Variants in TMEM51 observed in about 807,000 individuals in gnomAD.
The protein encoded by TMEM51 is chromosome 1 open reading frame 72.
TMEM51 carries 8 observed loss-of-function variants against 13.6 expected under a neutral mutation model. The ratio of observed to expected loss-of-function variants is 0.59; its 90% CI spans 0.35 to 1.07. The LOEUF is 1.07. TMEM51 is among the 50% of genes least tolerant of loss of function. The pLI is 0.02. For missense variants in TMEM51, 279 were observed against 330.7 expected (o/e 0.84, Z 1.21); for synonymous variants, 147 against 144.4 (o/e 1.02, Z -0.13).
At chr1:15,168,545 C>T in intron 1 of TMEM51, 4 of 1,304,892 alleles carry the variant, frequency 3.1e-6, no homozygotes, top group South Asian at 1.2e-5. Context: ...ACTGATTTAA[C>T]AGCATAGGCT....
intron 1 of TMEM51, among the ~76,000 whole-genome samples, chr1:15,186,686 G>A: frequency 6.6e-6 from 1 of 152,194 alleles, no homozygotes; most frequent in East Asian, 1.9e-4. Context: ...GGACCACGAA[G>A]AGCCTTATGA....
chr1:15,203,739 T>C (rs961660558), intron 1 of TMEM51, among the ~76,000 whole-genome samples: 1 of 152,060 alleles, frequency 6.6e-6, no homozygotes, highest in African/African-American at 2.4e-5. Flanking sequence ...CAGTTAATAT[T>C]GTGTTAGGTA....
At chr1:15,214,741 G>C (rs1036402173) in intron 2 of TMEM51, among the ~76,000 whole-genome samples, 154 bp from the exon 3 acceptor site, 2 of 152,210 alleles carry the variant, frequency 1.3e-5, no homozygotes, top group South Asian at 2.1e-4. Context: ...GCCTGAGCAC[G>C]TAAGACATCT....
At chr1:15,188,283 G>A (rs754138361) in intron 1 of TMEM51, among the ~76,000 whole-genome samples, 1 of 152,180 alleles carries the variant, frequency 6.6e-6, no homozygotes, top group African/African-American at 2.4e-5. Flanking sequence ...AGAGGGACAG[G>A]GAAGTCTCAG....
chr1:15,214,956 A>G lies in TMEM51; in HGVS notation c.-132A>G, dbSNP rs1367417726. 3 of 856,154 alleles carry G rather than the reference A, an allele frequency of 3.5e-6. No homozygotes were observed. The highest frequency in any genetic ancestry group is 5.3e-6 in the Non-Finnish European group (3 of 567,718). 53.0% of individuals were successfully genotyped at this position (856,154 alleles called of 1,614,324 possible). On this transcript the variant is annotated 5_prime_UTR_variant, in exon 3 of 4. Transcript: ENST00000376008. Reference sequence around the variant, plus strand: ...CGATTGCTCGGAACCATCCCGCAGGAGTTCAGCTGATATTTTCTAGTGTGG... The same window carrying G: ...CGATTGCTCGGAACCATCCCGCAGGGGTTCAGCTGATATTTTCTAGTGTGG...
chr1:15,168,337 CTG>C lies in TMEM51; in HGVS notation c.-267+14386_-267+14387del. 1.1e-5 allele frequency: 9 copies of C among 816,252 alleles called. No individual in the cohort carries two copies. The South Asian group carries it at 1.2e-4, about 11-fold the overall frequency. The allele number at this position is 816,252 out of a possible 1,614,324, so 50.6% of individuals were successfully genotyped here. On this transcript the variant is annotated intron_variant, in intron 1 of 3. Transcript: ENST00000376008. ...GCTTTCATCAGATTCTCAAAGGGGT[CTG>C]TGCACCAAAAGAAAGAAGGGGAATG... is the stretch of plus-strand genomic sequence containing the variant.
intron 1 of TMEM51, among the ~76,000 whole-genome samples, chr1:15,185,372 G>A (rs1463166597): frequency 2.0e-5 from 3 of 152,146 alleles, no homozygotes; most frequent in Non-Finnish European, 2.9e-5. Flanking sequence ...CTCTAACTGG[G>A]ACTAACTCAT....
rs1355913983 is a variant in TMEM51 at position 15,196,062 on chromosome 1, C to T, written c.-266-14428C>T. 4.6e-5 allele frequency among the ~76,000 whole-genome samples: 7 copies of T among 152,304 alleles called. No individual in the cohort carries two copies. In the East Asian group the frequency reaches 1.2e-3, roughly 25 times the overall value. ...TATTCCTGCGACTTTGCTGTGTGTG[C>T]ATCTCACTCACTGCATCTGACAATT... On this transcript the variant is annotated intron_variant, in intron 1 of 3. Coordinates refer to ENST00000376008, the MANE Select transcript of TMEM51 (RefSeq NM_001136218.2).
rs1239692158 is a variant in TMEM51, at chr1:15,161,965, T to C, written c.-267+8011T>C. Among the ~76,000 whole-genome samples the C allele has an allele frequency of 6.6e-6, 1 of 151,974 alleles. No individual in the cohort carries two copies. Among genetic ancestry groups the C allele is most frequent in the African/African-American group, 2.4e-5 (1 of 41,272 alleles). On this transcript the variant is annotated intron_variant, in intron 1 of 3. Transcript: ENST00000376008. The surrounding 1 kb of genome is among the most constrained non-coding windows in gnomAD (Gnocchi z 4.0). ...AAAGAGGTTTATTTAGCCCATGGCA[T>C]CTCAGATGCATCAGCATCTGCTTCT...
rs752750914 is a variant in TMEM51, at chr1:15,215,301, G to A, written c.214G>A (p.Ala72Thr). 8 of 1,614,070 alleles carry A rather than the reference G, an allele frequency of 5.0e-6. No individual in the cohort carries two copies. In the African/African-American group the frequency reaches 8.0e-5, roughly 16 times the overall value. The change falls in exon 3 of 4, where the codon GCC becomes ACC. Residue 72 changes from alanine to threonine, a missense_variant. Transcript: ENST00000376008. ...CTCTGTGGCCTACGTGCTGGTCGGG[G>A]CCGGGGTGATGCTGCTGCTGCTTTC... ...TFSVAYVLVG[A>T]GVMLLLLSIC...
At chr1:15,184,340 G>C (rs941522234) in intron 1 of TMEM51, among the ~76,000 whole-genome samples, 1 of 152,182 alleles carries the variant, frequency 6.6e-6, no homozygotes, top group Non-Finnish European at 1.5e-5. Flanking sequence ...TTTCTCACCA[G>C]CTCTCAGGGC....
intron 1 of TMEM51, among the ~76,000 whole-genome samples, chr1:15,198,599 G>C (rs982287371): frequency 6.6e-6 from 1 of 151,978 alleles, no homozygotes; most frequent in Admixed American, 6.6e-5. Context: ...TGTATTTTTA[G>C]TAGAGACGGG....
In TMEM51 at chr1:15,189,213, CTTTTTTT is replaced by C. The variant is rs59346950; in HGVS notation, c.-266-21261_-266-21255del. ...CTTCACCACACCCAGCTAATTTTTC[CTTTTTTT>C]TTTTTTTTTTTTTTTAGTAGAGACA... is the stretch of plus-strand genomic sequence containing the variant. On this transcript the variant is annotated intron_variant, in intron 1 of 3. Coordinates refer to ENST00000376008, the MANE Select transcript of TMEM51 (RefSeq NM_001136218.2). 8.6e-3 allele frequency among the ~76,000 whole-genome samples: 799 copies of C among 92,852 alleles called. 14 individuals are homozygous for C. The highest frequency in any genetic ancestry group is 0.032 in the African/African-American group (742 of 23,452). The allele number at this position is 92,852 out of a possible 152,430, so 60.9% of individuals were successfully genotyped here.
intron 2 of TMEM51, among the ~76,000 whole-genome samples, chr1:15,210,937 T>C (rs2100344820): frequency 6.6e-6 from 1 of 152,226 alleles, no homozygotes; most frequent in African/African-American, 2.4e-5. Flanking sequence ...CCCATCAAGA[T>C]CACAGTCCCC....
In TMEM51 at chr1:15,219,807, A is replaced by G. The variant is rs977936029; in HGVS notation, c.*64A>G. 11 of 1,535,392 alleles carry G rather than the reference A, an allele frequency of 7.2e-6. No homozygotes were observed. Among genetic ancestry groups the G allele is most frequent in the Non-Finnish European group, 9.7e-6 (11 of 1,134,216 alleles). On this transcript the variant is annotated 3_prime_UTR_variant, in exon 4 of 4. Coordinates refer to ENST00000376008, the MANE Select transcript of TMEM51 (RefSeq NM_001136218.2). ...ACCTTTCACCCCCAAGACTCTAACA[A>G]AGCCACATGAGCCACAGTTGAGAAG... is the stretch of plus-strand genomic sequence containing the variant.
chr1:15,195,654 G>C (rs17382471), intron 1 of TMEM51, among the ~76,000 whole-genome samples: 16,759 of 152,126 alleles, frequency 0.11, 1,166 homozygotes, highest in South Asian at 0.18. Context: ...ATTACTACCA[G>C]CTAGGGCTTG....
chr1:15,159,450 G>A (rs1418367017), intron 1 of TMEM51, among the ~76,000 whole-genome samples: 2 of 152,182 alleles, frequency 1.3e-5, no homozygotes, highest in South Asian at 2.1e-4. Flanking sequence ...TGTCGCTCTC[G>A]TGCCAACAAC....
chr1:15,215,291 G>C lies in TMEM51; in HGVS notation c.204G>C (p.Val68=). Residue 68 remains valine (V), a synonymous_variant, in exon 3 of 4, where the codon GTG becomes GTC. Coordinates refer to ENST00000376008, the MANE Select transcript of TMEM51 (RefSeq NM_001136218.2). ...LKSKTFSVAY[V]LVGAGVMLLL... is the part of the protein sequence containing the mutation. Reference sequence around the variant, plus strand: ...GCAAGACCTTCTCTGTGGCCTACGTGCTGGTCGGGGCCGGGGTGATGCTGC... The same window carrying C: ...GCAAGACCTTCTCTGTGGCCTACGTCCTGGTCGGGGCCGGGGTGATGCTGC... 1 of 1,614,214 alleles carries C rather than the reference G, an allele frequency of 6.2e-7. No homozygotes were observed. The highest frequency in any genetic ancestry group is 8.5e-7 in the Non-Finnish European group (1 of 1,180,040).
upstream of TMEM51, among the ~76,000 whole-genome samples, chr1:15,153,411 A>G (rs1241149139): frequency 1.3e-5 from 2 of 152,130 alleles, no homozygotes; most frequent in African/African-American, 4.8e-5. Flanking sequence ...GCGTGCGCGC[A>G]CACACGCATG....
Sources: allele counts gnomAD v4.1 joint callset (sites outside exome capture counted in the v4.1 genomes callset), GRCh38; gene constraint gnomAD v4.1.1; non-coding constraint Gnocchi (gnomAD v3.1); transcripts MANE v1.5; gene names NCBI Gene and HGNC (gene_info 2026-07-23, HGNC 2026-07-21).